The following FAM171A1 variants were observed in gnomAD, a reference collection of about 807,000 sequenced individuals.
FAM171A1 encodes the protein protein FAM171A1.
FAM171A1 carries 23 observed loss-of-function variants against 74.9 expected under a neutral mutation model. The observed-to-expected ratio is 0.31, with a 90% CI of 0.22 to 0.44. FAM171A1 has a LOEUF of 0.44. Among genes scored for constraint, FAM171A1 ranks in the 20% least tolerant of loss-of-function variants. The pLI is 1.00. For missense variants in FAM171A1, 1,162 were observed against 1,159.2 expected (o/e 1.00, Z -0.03); for synonymous variants, 527 against 505.7 (o/e 1.04, Z -0.57).
intron 1 of FAM171A1, among the ~76,000 whole-genome samples, chr10:15,292,573 C>T (rs1425823652): frequency 1.3e-5 from 2 of 152,120 alleles, no homozygotes; most frequent in Admixed American, 6.6e-5. Context: ...TTCCCCAACC[C>T]GGGCTCAAGT....
chr10:15,352,616 G>A (rs1429665952), intron 1 of FAM171A1, among the ~76,000 whole-genome samples: 1 of 152,172 alleles, frequency 6.6e-6, no homozygotes, highest in Non-Finnish European at 1.5e-5. Flanking sequence ...TTTAAATAAA[G>A]GCAAATGAGG....
At chr10:15,308,973 C>A (rs1451964396) in intron 1 of FAM171A1, among the ~76,000 whole-genome samples, 2 of 151,954 alleles carry the variant, frequency 1.3e-5, no homozygotes, top group African/African-American at 4.8e-5. Flanking sequence ...GCTGACAAAG[C>A]CTATTTTAAT....
chr10:15,250,891 C>T (rs1163120348), intron 4 of FAM171A1, among the ~76,000 whole-genome samples: 1 of 152,168 alleles, frequency 6.6e-6, no homozygotes, highest in African/African-American at 2.4e-5. Flanking sequence ...GTCAAGATGT[C>T]CAAGTACGTA....
upstream of FAM171A1, among the ~76,000 whole-genome samples, chr10:15,373,404 G>A (rs1408859565): frequency 2.6e-5 from 4 of 152,298 alleles, no homozygotes; most frequent in East Asian, 5.8e-4. Flanking sequence ...TGAACAAACC[G>A]AGGCTTGGTG....
intron 1 of FAM171A1, among the ~76,000 whole-genome samples, chr10:15,286,795 G>C (rs993182827): frequency 2.6e-5 from 4 of 152,092 alleles, no homozygotes; most frequent in Admixed American, 1.3e-4. Flanking sequence ...TTCTTGAGTA[G>C]ATAACCATAG....
intron 1 of FAM171A1, among the ~76,000 whole-genome samples, chr10:15,348,584 G>T (rs570798147): frequency 3.3e-5 from 5 of 152,270 alleles, no homozygotes; most frequent in African/African-American, 1.2e-4. Context: ...GCCCCTCTCT[G>T]TTCCTAACCA....
intron 5 of FAM171A1, among the ~76,000 whole-genome samples, chr10:15,227,175 A>C (rs1262915269): frequency 2.6e-5 from 4 of 151,932 alleles, no homozygotes; most frequent in African/African-American, 9.7e-5. Flanking sequence ...AATTTTTTGT[A>C]TTTTTAATGG....
chr10:15,283,917 C>T lies in FAM171A1; in HGVS notation c.286G>A (p.Val96Met), dbSNP rs1025138010. The T allele has an allele frequency of 2.2e-5, 35 of 1,614,000 alleles. No individual in the cohort carries two copies. The highest frequency in any genetic ancestry group is 8.9e-5 in the East Asian group (4 of 44,890). ...LIVTASKHAY[V>M]PNSAPWKPIR... ...GGCTTCCATGGGGCAGAGTTTGGCA[C>T]GTAGGCATGCTTCGAGGCGGTGACA... The change falls in exon 2 of 8, where the codon GTG becomes ATG. Residue 96 changes from valine (V) to methionine (M), a missense_variant. Transcript: ENST00000378116.
chr10:15,280,277 A>G (rs1272598193), intron 2 of FAM171A1, among the ~76,000 whole-genome samples: 6 of 152,158 alleles, frequency 3.9e-5, no homozygotes, highest in African/African-American at 1.2e-4. Flanking sequence ...CCACTGAAGA[A>G]TTTTAGGCAG....
At position 15,320,036 on chromosome 10, in the gene FAM171A1, T is replaced by TA. The variant is rs1421302544; in HGVS notation, c.98-35932_98-35931insT. ...CTGCATGTTACATGAGTAAACTGCATGTCCTGAGAATTTAGTATGCAGGTT... is the reference window on the plus strand; with the variant it reads ...CTGCATGTTACATGAGTAAACTGCATAGTCCTGAGAATTTAGTATGCAGGTT... On this transcript the variant is annotated intron_variant, in intron 1 of 7. Transcript: ENST00000378116. Among the ~76,000 whole-genome samples the TA allele has an allele frequency of 3.9e-5, 6 of 152,240 alleles. No individual in the cohort carries two copies. In the East Asian group the frequency reaches 1.2e-3, roughly 29 times the overall value.
intron 1 of FAM171A1, among the ~76,000 whole-genome samples, chr10:15,347,080 A>G (rs1835825239): frequency 6.6e-6 from 1 of 152,206 alleles, no homozygotes. Flanking sequence ...TTTTTTTAAA[A>G]GAATGGGAAA....
chr10:15,350,266 T>C lies in FAM171A1; in HGVS notation c.97+20690A>G, dbSNP rs530728747. Among the ~76,000 whole-genome samples, 16 of 152,278 alleles carry C rather than the reference T, an allele frequency of 1.1e-4. 1 individual carries two copies. The South Asian group carries it at 3.3e-3, about 32-fold the overall frequency. ...TTACTCCCTTGTCCCATCCAAAAGC[T>C]ACAATCCACAGGGATGGCCATGTGG... is the stretch of plus-strand genomic sequence containing the variant. On this transcript the variant is annotated intron_variant, in intron 1 of 7. Transcript: ENST00000378116.
intron 3 of FAM171A1, among the ~76,000 whole-genome samples, chr10:15,261,125 CA>C (rs1834651529): frequency 1.3e-5 from 2 of 152,314 alleles, no homozygotes; most frequent in Admixed American, 6.5e-5. Flanking sequence ...ATCATATGAA[CA>C]AAGAAGCTTA....
chr10:15,348,736 C>G (rs1158050978), intron 1 of FAM171A1, among the ~76,000 whole-genome samples: 2 of 152,150 alleles, frequency 1.3e-5, no homozygotes, highest in African/African-American at 4.8e-5. Flanking sequence ...AACAAGATCC[C>G]CAGCTGATTC....
intron 3 of FAM171A1, among the ~76,000 whole-genome samples, chr10:15,272,661 A>C: frequency 6.6e-6 from 1 of 152,226 alleles, no homozygotes; most frequent in Admixed American, 6.5e-5. Flanking sequence ...TCCTCAGCAA[A>C]TGTAAAAGAA....
chr10:15,256,039 C>T (rs1834576574), intron 3 of FAM171A1, among the ~76,000 whole-genome samples: 1 of 152,142 alleles, frequency 6.6e-6, no homozygotes, highest in South Asian at 2.1e-4. Flanking sequence ...TAATTTTGTG[C>T]AAACCTGGCA....
At chr10:15,247,416 TGTGAGCC>T (rs941629708) in intron 5 of FAM171A1, among the ~76,000 whole-genome samples, 25 of 151,896 alleles carry the variant, frequency 1.6e-4, no homozygotes, top group Non-Finnish European at 2.6e-4. Flanking sequence ...GGATTTCAGG[TGTGAGCC>T]ACTGCACCCA....
intron 1 of FAM171A1, among the ~76,000 whole-genome samples, chr10:15,355,354 C>T (rs1205350458): frequency 6.6e-6 from 1 of 152,200 alleles, no homozygotes; most frequent in African/African-American, 2.4e-5. Context: ...GGACTACAGG[C>T]ATCAGCCACC....
intron 1 of FAM171A1, among the ~76,000 whole-genome samples, chr10:15,324,388 C>T (rs999186767): frequency 2.0e-5 from 3 of 152,206 alleles, no homozygotes; most frequent in Non-Finnish European, 4.4e-5. Context: ...AGCTCCCTCC[C>T]GTTCTTTCTT....
Sources: allele counts gnomAD v4.1 joint callset (sites outside exome capture counted in the v4.1 genomes callset), GRCh38; gene constraint gnomAD v4.1.1; transcripts MANE v1.5; gene names NCBI Gene and HGNC (gene_info 2026-07-23, HGNC 2026-07-21).